Variants in USP6 observed in about 807,000 individuals in gnomAD.
USP6 encodes the protein ubiquitin specific peptidase 6.
USP6 carries 128 observed loss-of-function variants against 175.7 expected under a neutral mutation model. The observed-to-expected ratio is 0.73, with a 90% CI of 0.63 to 0.84. USP6 has a LOEUF of 0.84. Ranked by LOEUF, USP6 falls within the 40% of genes least tolerant of loss-of-function variation. The pLI is 0.00. For missense variants in USP6, 1,498 were observed against 1,760.3 expected (o/e 0.85, Z 2.67); for synonymous variants, 562 against 630.6 (o/e 0.89, Z 1.63).
At chr17:5,170,356 C>A (rs1269716109) in intron 35 of USP6, 123 bp from the exon 36 acceptor site, 1 of 1,419,626 alleles carries the variant, frequency 7.0e-7, no homozygotes. Context: ...GGTAGCCAGT[C>A]ATGACTCCCC....
rs767947816 is a variant in USP6 at position 5,125,929 on chromosome 17, C to G, written c.-483C>G. ...TAGCTGGGACTACAGGCATGTGCCA[C>G]CATGCCTGGGTAATTCTGTATTTTT... is the stretch of plus-strand genomic sequence containing the variant. On this transcript the variant is annotated 5_prime_UTR_variant, in exon 6 of 38. Coordinates refer to ENST00000574788, the MANE Select transcript of USP6 (RefSeq NM_001304284.2). 6 of 152,150 alleles carry G rather than the reference C, an allele frequency of 3.9e-5. No individual in the cohort carries two copies. The highest frequency in any genetic ancestry group is 7.3e-5 in the Non-Finnish European group (5 of 68,076). The allele number at this position is 152,150 out of a possible 1,614,324, so 9.4% of individuals were successfully genotyped here.
intron 32 of USP6, among the ~76,000 whole-genome samples, chr17:5,161,959 C>T (rs2074012590): frequency 6.6e-6 from 1 of 152,112 alleles, no homozygotes; most frequent in African/African-American, 2.4e-5. Context: ...CTGCAGTGAG[C>T]CAAGGTTGCG....
intron 21 of USP6, among the ~76,000 whole-genome samples, chr17:5,138,734 G>T (rs1272379802): frequency 6.6e-6 from 1 of 152,200 alleles, no homozygotes; most frequent in Non-Finnish European, 1.5e-5. Flanking sequence ...CTGACCCACA[G>T]GGCATTCAGG....
At position 5,170,777 on chromosome 17, in the gene USP6, T is replaced by C; in HGVS notation, c.3816T>C (p.Tyr1272=). 2 of 1,613,930 alleles carry C rather than the reference T, an allele frequency of 1.2e-6. No individual in the cohort carries two copies. The highest frequency in any genetic ancestry group is 2.2e-5 in the South Asian group (2 of 91,070). ...TAGCTTTGGCCAATGGATTCCTTTATGAGCATGAAGCATGTGGCAATGGCT... is the reference window on the plus strand; with the variant it reads ...TAGCTTTGGCCAATGGATTCCTTTACGAGCATGAAGCATGTGGCAATGGCT... The part of the protein sequence containing the change: ...HEVALANGFL[Y]EHEACGNGCG... The change falls in exon 36 of 38, where the codon TAT becomes TAC. Residue 1272 remains tyrosine (Y), a synonymous_variant. Coordinates refer to ENST00000574788, the MANE Select transcript of USP6 (RefSeq NM_001304284.2).
chr17:5,132,264 C>G lies in USP6; in HGVS notation c.156-132C>G. 1 of 1,605,330 alleles carries G rather than the reference C, an allele frequency of 6.2e-7. No homozygotes were observed. ...CACAGGAAGGCCCTTGTCCTCCCTT[C>G]CCTGTGCCTTCTCCCGGGCTGAGCC... On this transcript the variant is annotated intron_variant, in intron 11 of 37. Coordinates refer to ENST00000574788, the MANE Select transcript of USP6 (RefSeq NM_001304284.2). This position sits in a 1 kb window ranked among gnomAD's most constrained non-coding sequence, Gnocchi z 4.7.
intron 18 of USP6, among the ~76,000 whole-genome samples, 192 bp from the exon 19 acceptor site, chr17:5,136,928 TG>T (rs1172880308): frequency 6.6e-6 from 1 of 151,950 alleles, no homozygotes; most frequent in Admixed American, 6.5e-5. Context: ...GGCACAGGGA[TG>T]GGGGCCCAGC....
rs2074186486 is a variant in USP6, at chr17:5,170,358, T to C, written c.3518-121T>C. ...ATAGGAACCAAAGGGTAGCCAGTCA[T>C]GACTCCCCTGTCTTTACCTTTGTGT... On this transcript the variant is annotated intron_variant, in intron 35 of 37. Coordinates refer to ENST00000574788, the MANE Select transcript of USP6 (RefSeq NM_001304284.2). The C allele has an allele frequency of 9.7e-6, 14 of 1,439,502 alleles. No individual in the cohort carries two copies. In the Admixed American group the frequency reaches 3.5e-4, roughly 36 times the overall value. The allele number at this position is 1,439,502 out of a possible 1,614,324, so 89.2% of individuals were successfully genotyped here. A position where few individuals can be genotyped will look rare whatever the true frequency, so the allele number is the denominator to read the frequency against.
intron 2 of USP6, among the ~76,000 whole-genome samples, chr17:5,119,942 C>A (rs1180929341): frequency 6.6e-6 from 1 of 152,144 alleles, no homozygotes; most frequent in Non-Finnish European, 1.5e-5. Flanking sequence ...CACCTCTCTG[C>A]CCCCTCTCCT....
chr17:5,139,430 G>A lies in USP6; in HGVS notation c.1254G>A (p.Gly418=). 1 of 1,613,110 alleles carries A rather than the reference G, an allele frequency of 6.2e-7. No homozygotes were observed. The highest frequency in any genetic ancestry group is 8.5e-7 in the Non-Finnish European group (1 of 1,180,024). ...GTTTTTCCACGCCCTGTCCTGGTGG[G>A]GCTGTCCGGGAAGACACGTACCCTG... is the stretch of plus-strand genomic sequence containing the variant. ...ASRFSTPCPG[G]AVREDTYPVG... The change falls in exon 22 of 38, where the codon GGG becomes GGA. Residue 418 remains glycine (G), a synonymous_variant. Coordinates refer to ENST00000574788, the MANE Select transcript of USP6 (RefSeq NM_001304284.2).
intron 28 of USP6, among the ~76,000 whole-genome samples, 161 bp from the exon 29 acceptor site, chr17:5,146,921 TA>T (rs1487604423): frequency 3.9e-5 from 6 of 152,228 alleles, no homozygotes; most frequent in Middle Eastern, 3.2e-3. Context: ...CAGTTATTTT[TA>T]TCAAGCATTC....
intron 31 of USP6, among the ~76,000 whole-genome samples, chr17:5,157,198 G>T (rs2073902448): frequency 6.6e-6 from 1 of 151,956 alleles, no homozygotes. Flanking sequence ...TGATTCTCCT[G>T]CCTCAGCCTC....
intron 15 of USP6, 190 bp downstream of exon 15, chr17:5,134,186 C>T: frequency 1.6e-6 from 1 of 616,352 alleles, no homozygotes; most frequent in Middle Eastern, 4.3e-4. Context: ...CAGGCTGGAA[C>T]ATGTGGGGCC....
chr17:5,155,146 C>T (rs887771474), intron 30 of USP6, among the ~76,000 whole-genome samples: 1 of 152,156 alleles, frequency 6.6e-6, no homozygotes, highest in African/African-American at 2.4e-5. Flanking sequence ...AAATGTTTAT[C>T]AGAGAAAACT....
At position 5,168,906 on chromosome 17, in the gene USP6, TCA is replaced by T; in HGVS notation, c.3372_3373del (p.Gln1126GlyfsTer3). ...CCGGCCCTCTGCCAGCATAAACCAC[TCA>T]CACCCCAGGGGGATGAGCTCTCCAA... is the stretch of plus-strand genomic sequence containing the variant. On this transcript the variant is annotated frameshift_variant, in exon 35 of 38. Transcript: ENST00000574788. LOFTEE classifies it high-confidence loss of function. The T allele has an allele frequency of 6.2e-7, 1 of 1,613,892 alleles. No individual in the cohort carries two copies. Among genetic ancestry groups the T allele is most frequent in the Middle Eastern group, 1.7e-4 (1 of 6,056 alleles).
chr17:5,122,482 CAAGGTTTTTCCAAA>C (rs1027385294), intron 4 of USP6, among the ~76,000 whole-genome samples: 13 of 152,234 alleles, frequency 8.5e-5, no homozygotes, highest in African/African-American at 3.1e-4. Flanking sequence ...GTTTTTCCAT[CAAGGTTTTTCCAAA>C]GGACAAGCGG....
chr17:5,142,256 A>G (rs2073470066), intron 24 of USP6, 115 bp downstream of exon 24: 1 of 1,536,248 alleles, frequency 6.5e-7, no homozygotes, highest in Admixed American at 2.1e-5. Flanking sequence ...TATTTGCCCT[A>G]TTTAATATGA....
chr17:5,152,312 T>C (rs2073791963), intron 30 of USP6, among the ~76,000 whole-genome samples: 1 of 151,514 alleles, frequency 6.6e-6, no homozygotes, highest in African/African-American at 2.4e-5. Context: ...TATTATGATA[T>C]CAGTGCACTC....
Position 5,135,947 on chromosome 17 carries a change from G to T in USP6, c.664+19G>T. 2 of 1,597,640 alleles carry T rather than the reference G, an allele frequency of 1.3e-6. No homozygotes were observed. Among genetic ancestry groups the T allele is most frequent in the Non-Finnish European group, 1.7e-6 (2 of 1,179,680 alleles). ...CTGCCAGGTAGGTGAACAGCTGCCC[G>T]TGGGGCCTCACGCAGCCAGACCCGG... On this transcript the variant is annotated intron_variant, in intron 17 of 37. Transcript: ENST00000574788.
intron 35 of USP6, among the ~76,000 whole-genome samples, chr17:5,169,501 C>T (rs573237362): frequency 2.8e-4 from 42 of 152,206 alleles, no homozygotes; most frequent in African/African-American, 1.0e-3. Context: ...AGTGGTGCAA[C>T]ACAGATCACA....
Sources: allele counts gnomAD v4.1 joint callset (sites outside exome capture counted in the v4.1 genomes callset), GRCh38; gene constraint gnomAD v4.1.1; non-coding constraint Gnocchi (gnomAD v3.1); transcripts MANE v1.5; gene names NCBI Gene and HGNC (gene_info 2026-07-23, HGNC 2026-07-21).